Variants in LALBA observed in about 807,000 individuals in gnomAD.
The protein encoded by LALBA is alpha-lactalbumin.
In LALBA, 12 loss-of-function variants were observed where a neutral mutation model predicts 13.4. The ratio of observed to expected loss-of-function variants is 0.89; its 90% CI spans 0.57 to 1.45. LALBA has a LOEUF of 1.45. Ranked by LOEUF, LALBA falls within the 40% of genes most tolerant of loss-of-function variation. The probability of loss-of-function intolerance (pLI) is 0.00; values close to 1 mark genes in which losing one functional copy is unlikely to be tolerated. For synonymous variants in LALBA, 64 were observed against 61.0 expected (o/e 1.05, Z -0.23); for missense variants, 145 against 165.9 (o/e 0.87, Z 0.69).
Position 48,567,948 on chromosome 12 carries a change from A to G in LALBA, c.*9T>C, listed in dbSNP as rs1411810951. On this transcript the variant is annotated 3_prime_UTR_variant, in exon 4 of 4. Coordinates refer to ENST00000301046, the MANE Select transcript of LALBA (RefSeq NM_002289.3). ...TGGAGTGGGCAGGGGTGCCAAGGAC[A>G]GCAGACACTCACAACTTCTCACAAA... is the stretch of plus-strand genomic sequence containing the variant. 6.2e-7 allele frequency: 1 copy of G among 1,603,780 alleles called. No individual in the cohort carries two copies. Among genetic ancestry groups the G allele is most frequent in the Non-Finnish European group, 8.5e-7 (1 of 1,175,246 alleles).
chr12:48,570,034 A>G lies in LALBA; in HGVS notation c.-14T>C, dbSNP rs754838681. 1 of 1,613,540 alleles carries G rather than the reference A, an allele frequency of 6.2e-7. No homozygotes were observed. Among genetic ancestry groups the G allele is most frequent in the Non-Finnish European group, 8.5e-7 (1 of 1,179,806 alleles). On this transcript the variant is annotated 5_prime_UTR_variant, in exon 1 of 4. Coordinates refer to ENST00000301046, the MANE Select transcript of LALBA (RefSeq NM_002289.3). ...AAAGAACCTCATTTTGGCTACCCCC[A>G]AGAACCTGAAATGGAAGCATCACTC...
intron 1 of LALBA, 46 bp downstream of exon 1, chr12:48,569,842 G>A (rs200074021): frequency 3.8e-6 from 6 of 1,594,970 alleles, no homozygotes; most frequent in Non-Finnish European, 5.2e-6. Flanking sequence ...GGATGGAGGA[G>A]AGAAGCGTAT....
intron 1 of LALBA, 69 bp from the exon 2 acceptor site, chr12:48,569,309 C>T: frequency 1.5e-6 from 2 of 1,365,778 alleles, no homozygotes; most frequent in South Asian, 2.7e-5. Flanking sequence ...AACTGTAATT[C>T]TCAGACAAAA....
chr12:48,570,008 C>T lies in LALBA; in HGVS notation c.13G>A (p.Val5Ile). 6.2e-7 allele frequency: 1 copy of T among 1,613,940 alleles called. No homozygotes were observed. Among genetic ancestry groups the T allele is most frequent in the Non-Finnish European group, 8.5e-7 (1 of 1,179,968 alleles). MRFF[V>I]PLFLVGILFP... is the part of the protein sequence containing the mutation. ...AGGATGCCCACCAGGAACAGAGGGA[C>T]AAAGAACCTCATTTTGGCTACCCCC... The change falls in exon 1 of 4, where the codon GTC becomes ATC. Residue 5 changes from valine to isoleucine, a missense_variant. By Grantham distance (29) the Val-to-Ile change is conservative. Coordinates refer to ENST00000301046, the MANE Select transcript of LALBA (RefSeq NM_002289.3).
Position 48,567,838 on chromosome 12 carries a change from GC to G in LALBA, c.*118del, listed in dbSNP as rs1476447720. 4.7e-6 allele frequency: 4 copies of G among 851,402 alleles called. No homozygotes were observed. In the African/African-American group the frequency reaches 6.7e-5, roughly 14 times the overall value. The allele number at this position is 851,402 out of a possible 1,614,324, so 52.7% of individuals were successfully genotyped here. On this transcript the variant is annotated 3_prime_UTR_variant, in exon 4 of 4. Coordinates refer to ENST00000301046, the MANE Select transcript of LALBA (RefSeq NM_002289.3). ...AAGAATTCGGTGATGTCACTACAGG[GC>G]CCAAGGCTCAGAGACAGATAAGCTT...
chr12:48,569,776 A>G (rs1938610503), intron 1 of LALBA, 112 bp downstream of exon 1: 3 of 947,506 alleles, frequency 3.2e-6, no homozygotes, highest in African/African-American at 1.7e-5. Context: ...AATGAGCAGA[A>G]AAGAGGATGA....
At chr12:48,571,218 A>T (rs933097321), upstream of LALBA, among the ~76,000 whole-genome samples, 1 of 151,986 alleles carries the variant, frequency 6.6e-6, no homozygotes, top group African/African-American at 2.4e-5. Context: ...GAATCTCTAT[A>T]AGGTCAGTGC....
upstream of LALBA, among the ~76,000 whole-genome samples, chr12:48,571,746 G>T (rs1310150618): frequency 1.3e-5 from 2 of 152,030 alleles, no homozygotes; most frequent in Non-Finnish European, 2.9e-5. Context: ...ACATACTGAA[G>T]GTCTTCCATA....
At chr12:48,571,431 C>T (rs2137135705), upstream of LALBA, among the ~76,000 whole-genome samples, 1 of 118,654 alleles carries the variant, frequency 8.4e-6, no homozygotes. Context: ...GTTGCCCAGG[C>T]TGGAATGCAG....
Position 48,567,750 on chromosome 12 carries a change from A to G in LALBA, c.*207T>C, listed in dbSNP as rs114584089. ...CTGTGCTGTAGTGAAAGTGCCATCG[A>G]AGGCACTGAGTAAGGGTCTAGAGCT... On this transcript the variant is annotated 3_prime_UTR_variant, in exon 4 of 4. Transcript: ENST00000301046. The G allele has an allele frequency of 8.3e-4, 444 of 533,576 alleles. 5 individuals carry two copies. Among genetic ancestry groups the G allele is most frequent in the African/African-American group, 7.9e-3 (410 of 52,130 alleles). 33.1% of individuals were successfully genotyped at this position (533,576 alleles called of 1,614,324 possible).
chr12:48,571,606 A>C (rs1271006264), upstream of LALBA, among the ~76,000 whole-genome samples: 2 of 151,938 alleles, frequency 1.3e-5, no homozygotes, highest in African/African-American at 4.8e-5. Flanking sequence ...GCTGGTCTCA[A>C]ACTTCTGAGC....
intron 1 of LALBA, among the ~76,000 whole-genome samples, chr12:48,569,637 G>A (rs937917706): frequency 4.6e-5 from 7 of 151,972 alleles, no homozygotes; most frequent in Admixed American, 2.0e-4. Flanking sequence ...CACTTGAACC[G>A]AGGAGGCGGA....
In LALBA at chr12:48,569,100, A is replaced by G; in HGVS notation, c.274T>C (p.Cys92Arg). ...TACTCACTGTCACAGGAGATGTCACAGATGTTCCTTGACTGAGGGACCTGG... is the reference window on the plus strand; with the variant it reads ...TACTCACTGTCACAGGAGATGTCACGGATGTTCCTTGACTGAGGGACCTGG... ...SSQVPQSRNI[C>R]DISCDKFLDD... is the part of the protein sequence containing the mutation. The change falls in exon 2 of 4, where the codon TGT (cysteine) becomes CGT (arginine). Residue 92 changes from cysteine to arginine, a missense_variant. Physicochemically the swap from Cys to Arg is radical, Grantham distance 180. Transcript: ENST00000301046. 6.2e-7 allele frequency: 1 copy of G among 1,612,408 alleles called. No homozygotes were observed. Among genetic ancestry groups the G allele is most frequent in the Non-Finnish European group, 8.5e-7 (1 of 1,179,588 alleles).
chr12:48,569,151 T>C lies in LALBA; in HGVS notation c.223A>G (p.Ser75Gly), dbSNP rs1938601932. ...CTGCTCTTGCACCAAAGCTTATTAC[T>C]GATCTGGAAGAGTCCATATTCCGTG... Reference protein sequence around the residue: ...ESTEYGLFQISNKLWCKSSQV... With the variant: ...ESTEYGLFQIGNKLWCKSSQV... Residue 75 changes from serine (S) to glycine (G), a missense_variant, in exon 2 of 4, where the codon AGT becomes GGT. Transcript: ENST00000301046. The C allele has an allele frequency of 1.3e-5, 21 of 1,613,682 alleles. No individual in the cohort carries two copies. In the East Asian group the frequency reaches 4.0e-4, roughly 31 times the overall value.
chr12:48,569,294 G>A, intron 1 of LALBA, 54 bp from the exon 2 acceptor site: 1 of 1,455,614 alleles, frequency 6.9e-7, no homozygotes, highest in Non-Finnish European at 9.4e-7. Context: ...TCTGCATAAA[G>A]GAGGAACTGT....
Position 48,567,786 on chromosome 12 carries a change from C to T in LALBA, c.*171G>A. On this transcript the variant is annotated 3_prime_UTR_variant, in exon 4 of 4. Transcript: ENST00000301046. ...TAAGGGTCTAGAGCTCAGTGCACCA[C>T]TCAGGCATCCCTGGAAAATAGTCTT... 2 of 627,120 alleles carry T rather than the reference C, an allele frequency of 3.2e-6. No individual in the cohort carries two copies. The highest frequency in any genetic ancestry group is 2.9e-6 in the Non-Finnish European group (1 of 346,534). 38.8% of individuals were successfully genotyped at this position (627,120 alleles called of 1,614,324 possible).
At chr12:48,569,647 A>T (rs1426452523) in intron 1 of LALBA, among the ~76,000 whole-genome samples, 8 of 152,264 alleles carry the variant, frequency 5.3e-5, no homozygotes, top group East Asian at 3.9e-4. Flanking sequence ...GAGGAGGCGG[A>T]GGTTGCAGTG....
intron 3 of LALBA, 168 bp downstream of exon 3, chr12:48,568,349 G>T: frequency 1.6e-6 from 1 of 633,654 alleles, no homozygotes; most frequent in Non-Finnish European, 2.8e-6. Context: ...ACCAAGGAGC[G>T]GAGCGAGAGA....
chr12:48,569,543 G>C (rs544289778), intron 1 of LALBA, among the ~76,000 whole-genome samples: 2 of 152,032 alleles, frequency 1.3e-5, no homozygotes, highest in African/African-American at 2.4e-5. Flanking sequence ...GTGAAACCCT[G>C]TCTCTACAAA....
Sources: gnomAD v4.1 joint callset for allele counts (sites outside exome capture counted in the v4.1 genomes callset) on GRCh38, gnomAD v4.1.1 for gene constraint, MANE v1.5 for transcripts, NCBI Gene and HGNC (gene_info 2026-07-23, HGNC 2026-07-21) for gene names.